The following CELSR1 variants were observed in gnomAD, a reference collection of about 807,000 sequenced individuals.
CELSR1 encodes adhesion G protein-coupled receptor C1.
Under a neutral mutation model 249.1 loss-of-function variants are expected in CELSR1, and 110 were observed. That is an observed-to-expected ratio of 0.44 (90% CI 0.38 to 0.52). The LOEUF (loss-of-function observed/expected upper bound fraction) is 0.52. Among genes scored for constraint, CELSR1 ranks in the 20% least tolerant of loss-of-function variants. The pLI is 0.00. For missense variants in CELSR1, 4,109 were observed against 4,296.4 expected (o/e 0.96, Z 1.22); for synonymous variants, 2,113 against 1,900.0 (o/e 1.11, Z -2.92).
In CELSR1 at chr22:46,433,353, C is replaced by T. The variant is rs2147432356; in HGVS notation, c.4611+40G>A. 6 of 1,544,772 alleles carry T rather than the reference C, an allele frequency of 3.9e-6. No individual in the cohort carries two copies. The highest frequency in any genetic ancestry group is 5.3e-6 in the Non-Finnish European group (6 of 1,123,712). On this transcript the variant is annotated intron_variant, in intron 5 of 34. Coordinates refer to ENST00000674500, the MANE Select transcript of CELSR1 (RefSeq NM_001378328.1). The surrounding 1 kb of genome is among the most constrained non-coding windows in gnomAD (Gnocchi z 5.7). Reference sequence around the variant, plus strand: ...CCTCGCCCCAGGGCACCTTCTCGAGCCGCCCTGGGGCCAGGGGGAAGTGGT... The same window carrying T: ...CCTCGCCCCAGGGCACCTTCTCGAGTCGCCCTGGGGCCAGGGGGAAGTGGT...
At chr22:46,387,367 C>T (rs966778991) in intron 18 of CELSR1, among the ~76,000 whole-genome samples, 4 of 151,424 alleles carry the variant, frequency 2.6e-5, no homozygotes, top group African/African-American at 9.8e-5. Context: ...ATAAGGAAGT[C>T]TTTTTGTTTG....
Position 46,398,829 on chromosome 22 carries a change from AG to A in CELSR1, c.5413-193del, listed in dbSNP as rs760968319. On this transcript the variant is annotated intron_variant, in intron 10 of 34. Coordinates refer to ENST00000674500, the MANE Select transcript of CELSR1 (RefSeq NM_001378328.1). The surrounding 1 kb of genome is among the most constrained non-coding windows in gnomAD (Gnocchi z 7.2). ...GAGGCTGGCTGTGATGACCAGGGCG[AG>A]GGGACCAGGCCAGAGGATGGGTGTC... Among the ~76,000 whole-genome samples, 28 of 152,304 alleles carry A rather than the reference AG, an allele frequency of 1.8e-4. No individual in the cohort carries two copies. The highest frequency in any genetic ancestry group is 4.6e-4 in the Admixed American group (7 of 15,302).
intron 19 of CELSR1, among the ~76,000 whole-genome samples, chr22:46,385,967 G>A (rs1474444750): frequency 9.1e-5 from 13 of 142,182 alleles, no homozygotes; most frequent in Admixed American, 2.1e-4. Context: ...GTGAGCCACC[G>A]CGCCCGGCTT....
chr22:46,375,356 C>G (rs1010768292), intron 24 of CELSR1, among the ~76,000 whole-genome samples: 3 of 152,084 alleles, frequency 2.0e-5, no homozygotes, highest in Non-Finnish European at 4.4e-5. Context: ...ATTCTCCCTT[C>G]TGGAGACGTC....
rs756239490 is a variant in CELSR1, at chr22:46,536,006, G to T, written c.1165C>A (p.Arg389Ser). The change falls in exon 1 of 35, where the codon CGT becomes AGT. Residue 389 changes from arginine to serine, a missense_variant. Physicochemically the swap from Arg to Ser is moderately radical, Grantham distance 110 (BLOSUM62 -1). Transcript: ENST00000674500. The stretch of plus-strand genomic sequence containing the variant: ...CACGCGCCCCCCAACACGCGGTAAC[G>T]CAAGTTGGCGTTGATGGGCGAGTCG... ...DRDSPINANLRYRVLGGAWDV... is the reference protein window; with the variant it reads ...DRDSPINANLSYRVLGGAWDV... 3.1e-6 allele frequency: 5 copies of T among 1,610,702 alleles called. No homozygotes were observed. The South Asian group carries it at 5.5e-5, about 18-fold the overall frequency.
intron 5 of CELSR1, among the ~76,000 whole-genome samples, chr22:46,419,880 C>G (rs2079445887): frequency 6.6e-6 from 1 of 152,074 alleles, no homozygotes; most frequent in South Asian, 2.1e-4. Context: ...TGCACTCCCA[C>G]ACGTGCCTTC....
At chr22:46,502,976 A>T (rs1412249985) in intron 1 of CELSR1, among the ~76,000 whole-genome samples, 1 of 152,122 alleles carries the variant, frequency 6.6e-6, no homozygotes, top group African/African-American at 2.4e-5. Flanking sequence ...CGGCACTCGG[A>T]GAGAAGATCA....
rs547137737 is a variant in CELSR1 at position 46,484,196 on chromosome 22, G to A, written c.3545-19851C>T. Among the ~76,000 whole-genome samples the A allele has an allele frequency of 3.3e-5, 5 of 152,254 alleles. No individual in the cohort carries two copies. Among genetic ancestry groups the A allele is most frequent in the African/African-American group, 9.6e-5 (4 of 41,546 alleles). Reference sequence around the variant, plus strand: ...GGAGAGCCGTTACGACGGTGGGGACGGGTCCGAGGTCTGAACTGGGCACCA... The same window carrying A: ...GGAGAGCCGTTACGACGGTGGGGACAGGTCCGAGGTCTGAACTGGGCACCA... On this transcript the variant is annotated intron_variant, in intron 1 of 34. Coordinates refer to ENST00000674500, the MANE Select transcript of CELSR1 (RefSeq NM_001378328.1). The surrounding 1 kb of genome is among the most constrained non-coding windows in gnomAD (Gnocchi z 4.5).
Position 46,536,299 on chromosome 22 carries a change from C to T in CELSR1, c.872G>A (p.Arg291His). ...GTCGATTCGGAAGTAGCCCCGGGAG[C>T]GCTCGTCGAACAGCCCCTCCATGTA... Reference protein sequence around the residue: ...SYYMEGLFDERSRGYFRIDSA... With the variant: ...SYYMEGLFDEHSRGYFRIDSA... Residue 291 changes from arginine to histidine, a missense_variant, in exon 1 of 35, where the codon CGC becomes CAC. Physicochemically the swap from Arg to His is conservative, Grantham distance 29. Transcript: ENST00000674500. 4 of 1,612,558 alleles carry T rather than the reference C, an allele frequency of 2.5e-6. No homozygotes were observed. Among genetic ancestry groups the T allele is most frequent in the Non-Finnish European group, 3.4e-6 (4 of 1,179,878 alleles).
chr22:46,508,240 G>A (rs1289687508), intron 1 of CELSR1, among the ~76,000 whole-genome samples: 3 of 149,904 alleles, frequency 2.0e-5, no homozygotes, highest in African/African-American at 7.4e-5. Flanking sequence ...GATCCTGGGC[G>A]CCAACTGGCC....
rs9616040 is a variant in CELSR1, at chr22:46,526,333, G to T, written c.3544+7294C>A. On this transcript the variant is annotated intron_variant, in intron 1 of 34. Coordinates refer to ENST00000674500, the MANE Select transcript of CELSR1 (RefSeq NM_001378328.1). The surrounding 1 kb of genome is among the most constrained non-coding windows in gnomAD (Gnocchi z 4.7). ...AGCCCCTGAGACGGGCCAGTGCCAC[G>T]CTAGGCTGCAGGACAGCTAGGTGCT... Among the ~76,000 whole-genome samples, 53,753 of 152,086 alleles carry T rather than the reference G, an allele frequency of 0.35. 10,793 individuals are homozygous for T. The highest frequency in any genetic ancestry group is 0.54 in the African/African-American group (22,592 of 41,456).
chr22:46,383,005 C>CA (rs1274845039), intron 20 of CELSR1, among the ~76,000 whole-genome samples: 1 of 152,178 alleles, frequency 6.6e-6, no homozygotes, highest in African/African-American at 2.4e-5. Flanking sequence ...GTGGCCCCTC[C>CA]AAATCTCATG....
intron 1 of CELSR1, among the ~76,000 whole-genome samples, chr22:46,523,527 C>CAAAT (rs35618954): frequency 0.098 from 14,018 of 143,462 alleles, 792 homozygotes; most frequent in African/African-American, 0.14. Context: ...GACTCTGTCT[C>CAAAT]AAATAAATAA....
intron 1 of CELSR1, among the ~76,000 whole-genome samples, chr22:46,513,491 G>A (rs957413328): frequency 6.6e-6 from 1 of 152,186 alleles, no homozygotes; most frequent in Non-Finnish European, 1.5e-5. Context: ...GTTGCAACTT[G>A]AGTATTTCAA....
Position 46,407,011 on chromosome 22 carries a change from G to C in CELSR1, c.5226+1985C>G, listed in dbSNP as rs944353361. 6.6e-6 allele frequency among the ~76,000 whole-genome samples: 1 copy of C among 152,202 alleles called. No individual in the cohort carries two copies. The highest frequency in any genetic ancestry group is 2.4e-5 in the African/African-American group (1 of 41,450). ...CTTCCTGACCGCAGGAGCGGGGAGG[G>C]GGGGTCATCCTGGGAGAACAGGGTG... On this transcript the variant is annotated intron_variant, in intron 9 of 34. Coordinates refer to ENST00000674500, the MANE Select transcript of CELSR1 (RefSeq NM_001378328.1). This position sits in a 1 kb window ranked among gnomAD's most constrained non-coding sequence, Gnocchi z 4.8.
At position 46,391,359 on chromosome 22, in the gene CELSR1, C is replaced by T; in HGVS notation, c.6149-72G>A. The T allele has an allele frequency of 7.5e-7, 1 of 1,334,412 alleles. No individual in the cohort carries two copies. Among genetic ancestry groups the T allele is most frequent in the Non-Finnish European group, 1.1e-6 (1 of 945,666 alleles). 82.7% of individuals were successfully genotyped at this position (1,334,412 alleles called of 1,614,324 possible). The stretch of plus-strand genomic sequence containing the variant: ...CACGACCACAAACAGGCACCACTGT[C>T]TGCATGCGCCTCCCTGCAGGAGGCC... On this transcript the variant is annotated intron_variant, in intron 15 of 34. Transcript: ENST00000674500. The surrounding 1 kb of genome is among the most constrained non-coding windows in gnomAD (Gnocchi z 4.3).
intron 1 of CELSR1, among the ~76,000 whole-genome samples, chr22:46,499,099 G>A (rs2080442147): frequency 6.6e-6 from 1 of 151,108 alleles, no homozygotes; most frequent in Non-Finnish European, 1.5e-5. Flanking sequence ...AGAATTGCTT[G>A]AGCCCGGGCG....
Position 46,407,389 on chromosome 22 carries a change from G to A in CELSR1, c.5226+1607C>T, listed in dbSNP as rs2079278136. Among the ~76,000 whole-genome samples, 1 of 152,160 alleles carries A rather than the reference G, an allele frequency of 6.6e-6. No homozygotes were observed. The highest frequency in any genetic ancestry group is 6.5e-5 in the Admixed American group (1 of 15,280). On this transcript the variant is annotated intron_variant, in intron 9 of 34. Coordinates refer to ENST00000674500, the MANE Select transcript of CELSR1 (RefSeq NM_001378328.1). This position sits in a 1 kb window ranked among gnomAD's most constrained non-coding sequence, Gnocchi z 4.8. ...TCACATCTGTAATCCCAGCACTTTG[G>A]GAGGCGGAGGCGAGTGGATCACCTG...
rs1226103024 is a variant in CELSR1 at position 46,434,960 on chromosome 22, G to A, written c.4522+1214C>T. 6.6e-6 allele frequency among the ~76,000 whole-genome samples: 1 copy of A among 151,632 alleles called. No homozygotes were observed. Among genetic ancestry groups the A allele is most frequent in the Admixed American group, 6.6e-5 (1 of 15,224 alleles). On this transcript the variant is annotated intron_variant, in intron 4 of 34. Transcript: ENST00000674500. This position sits in a 1 kb window ranked among gnomAD's most constrained non-coding sequence, Gnocchi z 4.9. ...CGCAGTGAGCCAATATTGCACCACT[G>A]CACTCCAGCCTGGGTGAAAGAGTAA...
Sources: gnomAD v4.1 joint callset for allele counts (sites outside exome capture counted in the v4.1 genomes callset) on GRCh38, gnomAD v4.1.1 for gene constraint, Gnocchi (gnomAD v3.1) non-coding constraint, MANE v1.5 for transcripts, NCBI Gene and HGNC (gene_info 2026-07-23, HGNC 2026-07-21) for gene names.